The following CHMP3 variants were observed in gnomAD, a reference collection of about 807,000 sequenced individuals.
CHMP3 encodes the protein charged multivesicular body protein 3, also known as 25.1 protein.
A neutral mutation model predicts 27.4 loss-of-function variants in CHMP3; 8 were observed. The observed-to-expected ratio is 0.29, with a 90% confidence interval of 0.17 to 0.53. The LOEUF is 0.53. CHMP3 is among the 20% of genes least tolerant of loss of function. CHMP3 has a pLI of 0.96. For synonymous variants in CHMP3, 86 were observed against 85.5 expected, an observed-to-expected ratio of 1.01 and a Z score of -0.03; for missense variants, 208 against 271.5, an observed-to-expected ratio of 0.77 and a Z score of 1.64.
intron 2 of CHMP3, among the ~76,000 whole-genome samples, chr2:86,530,685 TA>T (rs1675886575): frequency 6.6e-6 from 1 of 152,242 alleles, no homozygotes; most frequent in South Asian, 2.1e-4. Flanking sequence ...TGTATATGCC[TA>T]AAAGTAGAAC....
chr2:86,509,309 C>T (rs1420709735), intron 4 of CHMP3, among the ~76,000 whole-genome samples: 1 of 152,194 alleles, frequency 6.6e-6, no homozygotes, highest in Non-Finnish European at 1.5e-5. Flanking sequence ...GGGGGCAAGA[C>T]ACCTACATGC....
intron 2 of CHMP3, among the ~76,000 whole-genome samples, chr2:86,535,661 A>G (rs1047868584): frequency 6.6e-6 from 1 of 151,852 alleles, no homozygotes; most frequent in African/African-American, 2.4e-5. Context: ...CGCGCACCAC[A>G]CGCCCAGCTA....
At chr2:86,514,380 A>G (rs1675217591) in intron 3 of CHMP3, among the ~76,000 whole-genome samples, 1 of 152,244 alleles carries the variant, frequency 6.6e-6, no homozygotes, top group East Asian at 1.9e-4. Context: ...CACTAATTCT[A>G]AAGTCTGAAC....
intron 1 of CHMP3, among the ~76,000 whole-genome samples, chr2:86,550,396 G>C (rs1048175080): frequency 5.3e-5 from 8 of 151,948 alleles, no homozygotes; most frequent in Admixed American, 5.2e-4. Context: ...GAGAGAGGGA[G>C]AGAGGGGGAG....
intron 4 of CHMP3, among the ~76,000 whole-genome samples, chr2:86,509,517 T>C (rs113500450): frequency 3.4e-3 from 510 of 152,060 alleles, no homozygotes; most frequent in African/African-American, 0.012. Flanking sequence ...GGAAGGGAGG[T>C]GATTTCTATG....
At chr2:86,548,538 A>T (rs1394509765) in intron 1 of CHMP3, among the ~76,000 whole-genome samples, 2 of 152,232 alleles carry the variant, frequency 1.3e-5, no homozygotes, top group Non-Finnish European at 2.9e-5. Flanking sequence ...CCCAAGGCAG[A>T]AGAATTTTTC....
intron 3 of CHMP3, among the ~76,000 whole-genome samples, chr2:86,513,433 TTA>T (rs767305388): frequency 9.2e-5 from 14 of 152,184 alleles, no homozygotes; most frequent in Non-Finnish European, 1.3e-4. Context: ...GTGGATATCA[TTA>T]TATATGTGTC....
chr2:86,518,227 T>C (rs2104754051), intron 3 of CHMP3, among the ~76,000 whole-genome samples: 1 of 152,246 alleles, frequency 6.6e-6, no homozygotes, highest in Middle Eastern at 3.4e-3. Flanking sequence ...CAACTTTTCC[T>C]TGAAACAAGG....
intron 3 of CHMP3, chr2:86,515,148 G>A (rs1358739565): frequency 1.3e-5 from 2 of 151,804 alleles, no homozygotes; most frequent in African/African-American, 2.4e-5. Flanking sequence ...TCAGTGTGGA[G>A]TGCCAGTCCC....
At chr2:86,546,401 C>T (rs1676606511) in intron 1 of CHMP3, among the ~76,000 whole-genome samples, 2 of 149,134 alleles carry the variant, frequency 1.3e-5, no homozygotes, top group African/African-American at 4.9e-5. Context: ...AGTAGGAGAG[C>T]TTGATTTACA....
At position 86,504,428 on chromosome 2, in the gene CHMP3, A is replaced by G. The variant is rs1192096069; in HGVS notation, c.*1376T>C. 1.3e-5 allele frequency: 2 copies of G among 152,044 alleles called. No homozygotes were observed. Among genetic ancestry groups the G allele is most frequent in the Admixed American group, 1.3e-4 (2 of 15,268 alleles). The allele number at this position is 152,044 out of a possible 1,614,324, so 9.4% of individuals were successfully genotyped here. ...ACTGATTTAAAAAAATAATTATTTA[A>G]AATAATTTTTTAACTACACTCTGAA... On this transcript the variant is annotated 3_prime_UTR_variant, in exon 6 of 6. Transcript: ENST00000263856.
intron 2 of CHMP3, 145 bp from the exon 3 acceptor site, chr2:86,529,542 T>G: frequency 1.3e-6 from 1 of 798,116 alleles, no homozygotes; most frequent in Non-Finnish European, 1.7e-6. Context: ...GTAGTGAATA[T>G]TCATCATTTC....
At chr2:86,506,276 C>T (rs1186477974) in intron 5 of CHMP3, among the ~76,000 whole-genome samples, 1 of 152,182 alleles carries the variant, frequency 6.6e-6, no homozygotes, top group Non-Finnish European at 1.5e-5. Flanking sequence ...CTTGGAGTAA[C>T]TGTCTTCCTT....
intron 1 of CHMP3, among the ~76,000 whole-genome samples, chr2:86,548,405 G>A (rs542037309): frequency 1.4e-4 from 22 of 152,270 alleles, no homozygotes; most frequent in Non-Finnish European, 2.5e-4. Flanking sequence ...TGAGCATGCT[G>A]CCTTCAAGCA....
At chr2:86,522,150 C>T (rs564085855) in intron 3 of CHMP3, among the ~76,000 whole-genome samples, 1 of 152,262 alleles carries the variant, frequency 6.6e-6, no homozygotes, top group South Asian at 2.1e-4. Context: ...TTACCCCTCC[C>T]CAGAGGCATC....
At chr2:86,506,568 T>C (rs954002623) in intron 5 of CHMP3, among the ~76,000 whole-genome samples, 7 of 152,122 alleles carry the variant, frequency 4.6e-5, no homozygotes, top group African/African-American at 1.4e-4. Flanking sequence ...ATATATAGTA[T>C]TCCATTAAAA....
At chr2:86,518,526 A>C (rs1432173708) in intron 3 of CHMP3, among the ~76,000 whole-genome samples, 1 of 152,224 alleles carries the variant, frequency 6.6e-6, no homozygotes, top group Non-Finnish European at 1.5e-5. Flanking sequence ...AGATACAATA[A>C]AATAAAAAAA....
chr2:86,547,591 G>A (rs1022025634), intron 1 of CHMP3, among the ~76,000 whole-genome samples: 4 of 152,158 alleles, frequency 2.6e-5, no homozygotes, highest in Non-Finnish European at 4.4e-5. Flanking sequence ...CAAATGACAG[G>A]TAGCATTTAA....
chr2:86,549,577 A>C (rs1185124621), intron 1 of CHMP3, among the ~76,000 whole-genome samples: 1 of 139,460 alleles, frequency 7.2e-6, no homozygotes, highest in Non-Finnish European at 1.5e-5. Flanking sequence ...AGTCAGGCAG[A>C]GACGCCCCTC....
Sources: gnomAD v4.1 joint callset for allele counts (sites outside exome capture counted in the v4.1 genomes callset) on GRCh38, gnomAD v4.1.1 for gene constraint, MANE v1.5 for transcripts, NCBI Gene and HGNC (gene_info 2026-07-23, HGNC 2026-07-21) for gene names.